Variants in NCAPD3 observed in about 807,000 individuals in gnomAD.
NCAPD3 encodes non-SMC condensin II complex subunit D3.
In NCAPD3, 105 loss-of-function variants were observed where a neutral mutation model predicts 182.9. That is an observed-to-expected ratio of 0.57 (90% CI 0.49 to 0.68). The LOEUF (loss-of-function observed/expected upper bound fraction) is 0.68. NCAPD3 is among the 30% of genes least tolerant of loss of function. The pLI is 0.00. For missense variants in NCAPD3, 1,944 were observed against 1,837.0 expected (o/e 1.06, Z -1.07); for synonymous variants, 815 against 679.9 (o/e 1.20, Z -3.09).
intron 28 of NCAPD3, 49 bp from the exon 29 acceptor site, chr11:134,160,123 T>C (rs746095870): frequency 4.8e-5 from 77 of 1,590,566 alleles, no homozygotes; most frequent in Non-Finnish European, 6.3e-5. Context: ...AATAAAAACG[T>C]AAAGCCCTAA....
chr11:134,185,562 C>T (rs779983684), intron 16 of NCAPD3, 36 bp from the exon 17 acceptor site: 4 of 1,514,496 alleles, frequency 2.6e-6, no homozygotes, highest in East Asian at 4.5e-5. Flanking sequence ...AGAATTGCAA[C>T]TGTAAATATA....
chr11:134,208,710 G>C (rs1039940532), intron 7 of NCAPD3, among the ~76,000 whole-genome samples, 154 bp downstream of exon 7: 2 of 152,156 alleles, frequency 1.3e-5, no homozygotes, highest in Admixed American at 1.3e-4. Context: ...AATAGAAATA[G>C]TGATACTTTT....
At chr11:134,215,375 A>C (rs1301723540) in intron 3 of NCAPD3, among the ~76,000 whole-genome samples, 1 of 152,236 alleles carries the variant, frequency 6.6e-6, no homozygotes, top group Non-Finnish European at 1.5e-5. Flanking sequence ...GAAAGAAAGA[A>C]GTAAACCTGT....
intron 32 of NCAPD3, among the ~76,000 whole-genome samples, chr11:134,156,090 T>C (rs1943412298): frequency 6.6e-6 from 1 of 152,198 alleles, no homozygotes; most frequent in Admixed American, 6.5e-5. Context: ...CGCTCTCATC[T>C]TCCCCTGCAG....
chr11:134,158,286 C>A, intron 30 of NCAPD3, 43 bp downstream of exon 30: 1 of 1,608,316 alleles, frequency 6.2e-7, no homozygotes, highest in Non-Finnish European at 8.5e-7. Flanking sequence ...GAGAACATCG[C>A]CACAGAGAAC....
intron 28 of NCAPD3, among the ~76,000 whole-genome samples, chr11:134,160,947 G>T (rs1430679729): frequency 9.0e-5 from 13 of 144,462 alleles, no homozygotes; most frequent in South Asian, 4.4e-4. Context: ...CTCTGTTTTT[G>T]TTTTTTTTTT....
chr11:134,215,549 T>C (rs1422252176), intron 3 of NCAPD3, among the ~76,000 whole-genome samples: 1 of 152,136 alleles, frequency 6.6e-6, no homozygotes, highest in Non-Finnish European at 1.5e-5. Context: ...TCATTTACAC[T>C]AGCATTGAAA....
At chr11:134,157,494 G>A (rs1458308629) in intron 31 of NCAPD3, among the ~76,000 whole-genome samples, 1 of 152,190 alleles carries the variant, frequency 6.6e-6, no homozygotes, top group African/African-American at 2.4e-5. Flanking sequence ...GAACAGGATA[G>A]TAATAAATCA....
At chr11:134,162,660 G>A (rs888125373) in intron 27 of NCAPD3, among the ~76,000 whole-genome samples, 2 of 152,186 alleles carry the variant, frequency 1.3e-5, no homozygotes, top group African/African-American at 4.8e-5. Flanking sequence ...ACAACAAGTA[G>A]AGAAATAAGC....
chr11:134,218,910 C>A (rs1405932145), intron 2 of NCAPD3, among the ~76,000 whole-genome samples: 1 of 152,204 alleles, frequency 6.6e-6, no homozygotes, highest in Non-Finnish European at 1.5e-5. Context: ...TAAAACAGAT[C>A]TATTCATGTT....
chr11:134,162,722 GA>G (rs1396349478), intron 27 of NCAPD3, among the ~76,000 whole-genome samples: 1 of 152,196 alleles, frequency 6.6e-6, no homozygotes, highest in Non-Finnish European at 1.5e-5. Flanking sequence ...ATAGTCTTAA[GA>G]AGTGGCTTCC....
chr11:134,168,693 T>C lies in NCAPD3; in HGVS notation c.3240-91A>G, dbSNP rs898737119. On this transcript the variant is annotated intron_variant, in intron 25 of 34. Coordinates refer to ENST00000534548, the MANE Select transcript of NCAPD3 (RefSeq NM_015261.3). ...CTTTAACTGCATCCTAAAAGCTGCA[T>C]GCCAAAGACTCCAGTGCACTACAGA... 1.7e-5 allele frequency: 26 copies of C among 1,545,754 alleles called. No homozygotes were observed. The South Asian group carries it at 2.5e-4, about 15-fold the overall frequency.
chr11:134,164,610 A>G (rs1479275526), intron 27 of NCAPD3, among the ~76,000 whole-genome samples: 2 of 151,828 alleles, frequency 1.3e-5, no homozygotes, highest in Non-Finnish European at 2.9e-5. Flanking sequence ...GGGGAGCTGC[A>G]CACTCACTTG....
At chr11:134,187,608 A>G (rs538632298) in intron 16 of NCAPD3, among the ~76,000 whole-genome samples, 1 of 152,242 alleles carries the variant, frequency 6.6e-6, no homozygotes, top group South Asian at 2.1e-4. Context: ...CTGAATTCCT[A>G]CACATTCCCA....
Position 134,152,977 on chromosome 11 carries a change from G to A in NCAPD3, c.4464C>T (p.Ser1488=), listed in dbSNP as rs1161172936. The A allele has an allele frequency of 3.2e-6, 5 of 1,574,056 alleles. No individual in the cohort carries two copies. The highest frequency in any genetic ancestry group is 4.3e-6 in the Non-Finnish European group (5 of 1,159,492). The change falls in exon 35 of 35, where the codon TCC becomes TCT. Residue 1488 remains serine (S), a synonymous_variant. Coordinates refer to ENST00000534548, the MANE Select transcript of NCAPD3 (RefSeq NM_015261.3). ...NKDTPACSRR[S]LRKTPLKTAN is the part of the protein sequence containing the mutation. ...CTGTTTTCAGAGGGGTCTTTCGGAG[G>A]GACCTCCTGCTGCAGGCTGGAGTGT...
chr11:134,177,360 G>A lies in NCAPD3; in HGVS notation c.2880C>T (p.Asn960=), dbSNP rs779883403. 67 of 1,614,118 alleles carry A rather than the reference G, an allele frequency of 4.2e-5. No individual in the cohort carries two copies. Among genetic ancestry groups the A allele is most frequent in the South Asian group, 6.6e-5 (6 of 91,092 alleles). Residue 960 remains asparagine, a synonymous_variant, in exon 23 of 35, where the codon AAC becomes AAT. Transcript: ENST00000534548. ...AGAGATCGCACATTACAATGATGAC[G>A]TTGTTGCGGACAGCCACGTCCTCAC... The part of the protein sequence containing the change: ...EVCEDVAVRN[N]VIIVMCDLCI...
intron 32 of NCAPD3, among the ~76,000 whole-genome samples, chr11:134,156,470 T>C (rs923554370): frequency 2.0e-5 from 3 of 152,060 alleles, no homozygotes; most frequent in African/African-American, 4.8e-5. Context: ...CACAAGATAA[T>C]AGGAAAAGAA....
At chr11:134,180,448 C>G (rs966175612) in intron 20 of NCAPD3, among the ~76,000 whole-genome samples, 1 of 144,662 alleles carries the variant, frequency 6.9e-6, no homozygotes, top group Non-Finnish European at 1.5e-5. Flanking sequence ...GATGTTGGAA[C>G]CAGAATTACT....
In NCAPD3 at chr11:134,178,692, G is replaced by C. The variant is rs75363476; in HGVS notation, c.2724C>G (p.Pro908=). The change falls in exon 22 of 35, where the codon CCC becomes CCG. Residue 908 remains proline, a synonymous_variant. Coordinates refer to ENST00000534548, the MANE Select transcript of NCAPD3 (RefSeq NM_015261.3). The part of the protein sequence containing the change: ...SSEAPASQPP[P]QVRGSVMPSV... ...AGGGCATGACAGAACCTCTGACCTG[G>C]GGGGGTGGCTGAGACGCTGGGGCCT... 735 of 1,601,306 alleles carry C rather than the reference G, an allele frequency of 4.6e-4. 7 individuals are homozygous for C. The African/African-American group carries it at 8.7e-3, about 19-fold the overall frequency.
Sources: gnomAD v4.1 joint callset for allele counts (sites outside exome capture counted in the v4.1 genomes callset) on GRCh38, gnomAD v4.1.1 for gene constraint, MANE v1.5 for transcripts, NCBI Gene and HGNC (gene_info 2026-07-23, HGNC 2026-07-21) for gene names.